Variants in KIDINS220 observed in about 807,000 individuals in gnomAD.
The protein encoded by KIDINS220 is kinase D interacting substrate 220, also known as kinase D-interacting substrate of 220 kDa.
Under a neutral mutation model 157.6 loss-of-function variants are expected in KIDINS220, and 63 were observed. The observed-to-expected ratio is 0.40, with a 90% CI of 0.33 to 0.49. KIDINS220 has a LOEUF of 0.49. KIDINS220 is among the 20% of genes least tolerant of loss of function. The pLI, the probability that KIDINS220 is intolerant of heterozygous loss-of-function variation, is 0.66. For synonymous variants in KIDINS220, 732 were observed against 783.6 expected, an observed-to-expected ratio of 0.93 and a Z score of 1.10; for missense variants, 1,772 against 2,171.2, an observed-to-expected ratio of 0.82 and a Z score of 3.65.
At chr2:8,761,157 T>C (rs1280399085) in intron 22 of KIDINS220, among the ~76,000 whole-genome samples, 2 of 152,188 alleles carry the variant, frequency 1.3e-5, no homozygotes, top group East Asian at 3.8e-4. Context: ...CATAAGTTGC[T>C]ACCAAGTGAT....
intron 21 of KIDINS220, among the ~76,000 whole-genome samples, chr2:8,774,628 A>G (rs1017114958): frequency 1.3e-5 from 2 of 152,198 alleles, no homozygotes; most frequent in Admixed American, 6.5e-5. Context: ...AGAAATAGCA[A>G]TTGCAGGAGG....
At chr2:8,725,267 T>A (rs1303229763), downstream of KIDINS220, 3 of 152,246 alleles carry the variant, frequency 2.0e-5, no homozygotes, top group Non-Finnish European at 4.4e-5. Context: ...GCAGGAACTA[T>A]GATAAATTTG....
chr2:8,757,556 T>C (rs1305439896), intron 22 of KIDINS220: 16 of 1,494,342 alleles, frequency 1.1e-5, no homozygotes, highest in East Asian at 4.8e-5. Flanking sequence ...CGTTGTCTCA[T>C]GAAGGCCAGT....
chr2:8,727,276 G>A (rs1663415660), downstream of KIDINS220: 1 of 1,065,696 alleles, frequency 9.4e-7, no homozygotes, highest in Non-Finnish European at 1.1e-6. Context: ...GCCTGGAAGA[G>A]AAGGTGGGAA....
At chr2:8,798,116 C>T in intron 10 of KIDINS220, 86 bp downstream of exon 10, 1 of 762,244 alleles carries the variant, frequency 1.3e-6, no homozygotes, top group Middle Eastern at 2.3e-4. Context: ...GTAACTCTAA[C>T]ATCAAACAAA....
intron 17 of KIDINS220, among the ~76,000 whole-genome samples, chr2:8,781,026 G>A (rs1671647410): frequency 6.6e-6 from 1 of 151,066 alleles, no homozygotes; most frequent in Non-Finnish European, 1.5e-5. Flanking sequence ...CTAATTGTAT[G>A]TTATCTACAA....
intron 21 of KIDINS220, among the ~76,000 whole-genome samples, 196 bp downstream of exon 21, chr2:8,776,552 C>T (rs937517690): frequency 6.6e-6 from 1 of 151,856 alleles, no homozygotes; most frequent in Non-Finnish European, 1.5e-5. Context: ...GGTATACAGC[C>T]GACAGTTGAT....
At chr2:8,738,762 C>T (rs1191836614) in intron 26 of KIDINS220, among the ~76,000 whole-genome samples, 1 of 152,094 alleles carries the variant, frequency 6.6e-6, no homozygotes, top group Non-Finnish European at 1.5e-5. Flanking sequence ...GAATCCTGGA[C>T]CAGAAAAATG....
chr2:8,790,286 T>G (rs1673013118), intron 13 of KIDINS220, among the ~76,000 whole-genome samples: 1 of 152,158 alleles, frequency 6.6e-6, no homozygotes, highest in South Asian at 2.1e-4. Context: ...CTCTCCTGCT[T>G]CACGTGGAGG....
intron 26 of KIDINS220, among the ~76,000 whole-genome samples, chr2:8,745,413 C>T (rs1393329579): frequency 6.6e-6 from 1 of 152,178 alleles, no homozygotes; most frequent in African/African-American, 2.4e-5. Flanking sequence ...GTTAAAATGA[C>T]TTTAAAATAA....
Position 8,751,470 on chromosome 2 carries a change from A to G in KIDINS220, c.3186T>C (p.Ile1062=). 6.2e-7 allele frequency: 1 copy of G among 1,602,262 alleles called. No homozygotes were observed. The highest frequency in any genetic ancestry group is 1.3e-5 in the African/African-American group (1 of 74,232). The change falls in exon 23 of 30, where the codon ATT becomes ATC. Residue 1062 remains isoleucine (I), a synonymous_variant. Coordinates refer to ENST00000256707, the MANE Select transcript of KIDINS220 (RefSeq NM_020738.4). The stretch of plus-strand genomic sequence containing the variant: ...AAATTTACTACTAATACCCACCTGC[A>G]ATAATTTCCCGTAGTTTGGGATCTA... The part of the protein sequence containing the change: ...VNLDPKLREI[I]ADVRAAREQI...
chr2:8,804,570 A>C (rs759199609), intron 7 of KIDINS220, among the ~76,000 whole-genome samples: 3 of 152,162 alleles, frequency 2.0e-5, no homozygotes, highest in African/African-American at 4.8e-5. Context: ...ATTTTTAAAA[A>C]TCTGTTCATT....
At chr2:8,732,059 A>G (rs1664202446) in intron 29 of KIDINS220, 77 bp from the exon 30 acceptor site, 2 of 1,261,952 alleles carry the variant, frequency 1.6e-6, no homozygotes, top group Non-Finnish European at 2.1e-6. Context: ...TAGGAAATAT[A>G]TATGTACACT....
intron 22 of KIDINS220, among the ~76,000 whole-genome samples, chr2:8,754,728 C>T (rs1005906984): frequency 6.6e-6 from 1 of 152,152 alleles, no homozygotes; most frequent in African/African-American, 2.4e-5. Flanking sequence ...ATATCACTTC[C>T]ATTCAAAATG....
At chr2:8,734,570 T>C (rs566640237) in intron 28 of KIDINS220, 85 bp downstream of exon 28, 5 of 964,512 alleles carry the variant, frequency 5.2e-6, no homozygotes, top group African/African-American at 1.6e-5. Flanking sequence ...TACTTATTGA[T>C]ACTGGTTTTC....
At position 8,818,174 on chromosome 2, in the gene KIDINS220, A is replaced by G. The variant is rs144248320; in HGVS notation, c.208-458T>C. Among the ~76,000 whole-genome samples, 324 of 152,290 alleles carry G rather than the reference A, an allele frequency of 2.1e-3. 1 individual carries two copies. Among genetic ancestry groups the G allele is most frequent in the African/African-American group, 7.6e-3 (315 of 41,546 alleles). ...AAGAACTATTCTCTTTTATTTTTTA[A>G]TTCCTAACTGTAATATAATTCAAAT... On this transcript the variant is annotated intron_variant, in intron 3 of 29. Coordinates refer to ENST00000256707, the MANE Select transcript of KIDINS220 (RefSeq NM_020738.4).
chr2:8,768,236 A>G (rs1438311244), intron 22 of KIDINS220, among the ~76,000 whole-genome samples: 1 of 151,370 alleles, frequency 6.6e-6, no homozygotes, highest in African/African-American at 2.4e-5. Flanking sequence ...CTTTCTTACT[A>G]AATGTATGTT....
At chr2:8,779,232 C>T (rs373688862) in intron 18 of KIDINS220, 93 bp from the exon 19 acceptor site, 2 of 1,443,268 alleles carry the variant, frequency 1.4e-6, no homozygotes, top group Non-Finnish European at 1.9e-6. Flanking sequence ...CTTTTGGTGA[C>T]AATATTTCTA....
intron 2 of KIDINS220, among the ~76,000 whole-genome samples, chr2:8,820,567 G>A (rs998101469): frequency 8.5e-5 from 13 of 152,128 alleles, no homozygotes; most frequent in Admixed American, 5.9e-4. Context: ...TATCGGTCAC[G>A]TTAAATATAG....
Sources: gnomAD v4.1 joint callset for allele counts (sites outside exome capture counted in the v4.1 genomes callset) on GRCh38, gnomAD v4.1.1 for gene constraint, MANE v1.5 for transcripts, NCBI Gene and HGNC (gene_info 2026-07-23, HGNC 2026-07-21) for gene names.